Variants in SASH1 observed in about 807,000 individuals in gnomAD.
SASH1 encodes SAM and SH3 domain containing 1.
A neutral mutation model predicts 125.2 loss-of-function variants in SASH1; 44 were observed. The ratio of observed to expected loss-of-function variants is 0.35; its 90% CI spans 0.28 to 0.45. The LOEUF (loss-of-function observed/expected upper bound fraction) is 0.45, where lower values mean the gene tolerates loss of function less well. Among genes scored for constraint, SASH1 ranks in the 20% least tolerant of loss-of-function variants. SASH1 has a pLI of 1.00. For synonymous variants in SASH1, 639 were observed against 649.1 expected (o/e 0.98, Z 0.24); for missense variants, 1,426 against 1,614.5 (o/e 0.88, Z 2.00).
chr6:148,222,650 G>A, the SASH1 span, among the ~76,000 whole-genome samples: 1 of 152,136 alleles, frequency 6.6e-6, no homozygotes, highest in African/African-American at 2.4e-5. Context: ...TTGAATAATT[G>A]CATAATAATT....
chr6:148,447,202 CTT>C (rs997590455), intron 4 of SASH1, among the ~76,000 whole-genome samples: 1 of 152,130 alleles, frequency 6.6e-6, no homozygotes, highest in Non-Finnish European at 1.5e-5. Context: ...TTTAGTTTCA[CTT>C]TTTTTCATTA....
At chr6:148,217,393 C>T in the SASH1 span, among the ~76,000 whole-genome samples, 4 of 152,236 alleles carry the variant, frequency 2.6e-5, no homozygotes, top group African/African-American at 9.7e-5. Context: ...CTGAGTGACA[C>T]TCCATAACCC....
At chr6:148,451,020 T>G (rs1777076216) in intron 4 of SASH1, among the ~76,000 whole-genome samples, 1 of 152,246 alleles carries the variant, frequency 6.6e-6, no homozygotes, top group Non-Finnish European at 1.5e-5. Context: ...GTTATCTATC[T>G]TGTCTGGCCC....
At chr6:148,318,754 C>T (rs1443539856) in intron 1 of SASH1, among the ~76,000 whole-genome samples, 2 of 151,806 alleles carry the variant, frequency 1.3e-5, no homozygotes, top group Non-Finnish European at 2.9e-5. Flanking sequence ...GGTTTCACCA[C>T]GTTGACCAGG....
Position 148,514,421 on chromosome 6 carries a change from T to C in SASH1, c.827T>C (p.Ile276Thr). Residue 276 changes from isoleucine to threonine, a missense_variant, in exon 9 of 20, where the codon ATT (isoleucine) becomes ACT (threonine). Ile to Thr is a moderately conservative substitution (Grantham distance 89). Around this residue, in one of 3 missense-constraint regions of SASH1, gnomAD observed 567 missense variants for 575.6 expected, o/e 0.99. Coordinates refer to ENST00000367467, the MANE Select transcript of SASH1 (RefSeq NM_015278.5). ...NSTRRVRKKLIRVEEMKKPST... is the reference protein window; with the variant it reads ...NSTRRVRKKLTRVEEMKKPST... ...ACTCGCAGAGTCAGAAAGAAACTAA[T>C]TAGGGTGGAAGAAATGAAAAAACCC... 1 of 1,449,336 alleles carries C rather than the reference T, an allele frequency of 6.9e-7. No individual in the cohort carries two copies. Among genetic ancestry groups the C allele is most frequent in the South Asian group, 1.3e-5 (1 of 79,634 alleles). The allele number at this position is 1,449,336 out of a possible 1,614,324, so 89.8% of individuals were successfully genotyped here.
chr6:148,385,081 C>T (rs1290094998), intron 1 of SASH1, among the ~76,000 whole-genome samples: 1 of 152,146 alleles, frequency 6.6e-6, no homozygotes, highest in Non-Finnish European at 1.5e-5. Flanking sequence ...TTTAAATCAT[C>T]AGGACTGATG....
chr6:148,421,135 AAGG>A (rs1169363302), intron 2 of SASH1, among the ~76,000 whole-genome samples: 6 of 59,262 alleles, frequency 1.0e-4, no homozygotes, highest in African/African-American at 3.9e-4. Context: ...GAAAGGAAGG[AAGG>A]AAGGAAGGAA....
At chr6:148,360,502 C>T (rs13192721) in intron 1 of SASH1, among the ~76,000 whole-genome samples, 31,789 of 151,940 alleles carry the variant, frequency 0.21, 3,751 homozygotes, top group Non-Finnish European at 0.28. Flanking sequence ...CATGTGCTAC[C>T]ACGTCCAGTT....
chr6:148,417,585 A>ATAAG (rs2114930266), intron 2 of SASH1, among the ~76,000 whole-genome samples: 1 of 151,702 alleles, frequency 6.6e-6, no homozygotes, highest in East Asian at 1.9e-4. Flanking sequence ...CTCTGTCAAA[A>ATAAG]TAAATAAATA....
chr6:148,216,812 C>A, the SASH1 span, among the ~76,000 whole-genome samples: 1 of 152,024 alleles, frequency 6.6e-6, no homozygotes, highest in Non-Finnish European at 1.5e-5. Context: ...CTCACTGCAA[C>A]CTCCACCTCC....
intron 1 of SASH1, among the ~76,000 whole-genome samples, chr6:148,317,493 C>T (rs1359312477): frequency 6.6e-6 from 1 of 152,234 alleles, no homozygotes; most frequent in African/African-American, 2.4e-5. Flanking sequence ...GGCACGACCT[C>T]GGCTCACCGC....
At chr6:148,354,107 G>A (rs987578338) in intron 1 of SASH1, among the ~76,000 whole-genome samples, 9 of 152,160 alleles carry the variant, frequency 5.9e-5, no homozygotes, top group Non-Finnish European at 1.0e-4. Context: ...CAAGGCTTCA[G>A]TGAGTTGTGA....
At chr6:148,383,888 C>A (rs1783255762) in intron 1 of SASH1, among the ~76,000 whole-genome samples, 1 of 152,152 alleles carries the variant, frequency 6.6e-6, no homozygotes, top group African/African-American at 2.4e-5. Flanking sequence ...ATCTGAACTG[C>A]TCGGTACAAT....
At chr6:148,416,333 T>C (rs1784814370) in intron 2 of SASH1, among the ~76,000 whole-genome samples, 1 of 152,116 alleles carries the variant, frequency 6.6e-6, no homozygotes, top group African/African-American at 2.4e-5. Flanking sequence ...TCCTAAAGTG[T>C]CCTCTGTATC....
chr6:148,473,072 T>C (rs1004324893), intron 6 of SASH1, among the ~76,000 whole-genome samples: 6 of 152,178 alleles, frequency 3.9e-5, no homozygotes, highest in Non-Finnish European at 4.4e-5. Context: ...TGGAATCTAA[T>C]GGGACATTCT....
In SASH1 at chr6:148,424,179, C is replaced by G. The variant is rs1172736904; in HGVS notation, c.286-16005C>G. Among the ~76,000 whole-genome samples the G allele has an allele frequency of 3.3e-5, 5 of 150,848 alleles. No homozygotes were observed. In the East Asian group the frequency reaches 9.7e-4, roughly 29 times the overall value. ...TTTAATAAAATGATGGTGAGTCCAT[C>G]TTTGTCTTTTAAAAAATTTTTTTTC... On this transcript the variant is annotated intron_variant, in intron 2 of 19. Coordinates refer to ENST00000367467, the MANE Select transcript of SASH1 (RefSeq NM_015278.5).
intron 1 of SASH1, among the ~76,000 whole-genome samples, chr6:148,332,069 T>C (rs1417938950): frequency 1.3e-5 from 2 of 152,220 alleles, no homozygotes; most frequent in African/African-American, 4.8e-5. Context: ...GTCTGCACTT[T>C]GTTTTAATTT....
the SASH1 span, among the ~76,000 whole-genome samples, chr6:148,264,035 C>T: frequency 2.0e-5 from 3 of 152,064 alleles, no homozygotes; most frequent in African/African-American, 7.2e-5. Context: ...AGCAAAGAGC[C>T]CCTAGGGCTC....
At position 148,482,331 on chromosome 6, in the gene SASH1, A is replaced by T. The variant is rs185910868; in HGVS notation, c.628-5283A>T. ...TTAATAATCACATTTCCTTAAAAAT[A>T]ATTATTTATACTAAAGACTGCTCAA... On this transcript the variant is annotated intron_variant, in intron 7 of 19. Transcript: ENST00000367467. Among the ~76,000 whole-genome samples the T allele has an allele frequency of 4.3e-3, 652 of 152,350 alleles. 1 individual carries two copies. Among genetic ancestry groups the T allele is most frequent in the Non-Finnish European group, 5.8e-3 (392 of 68,040 alleles).
Sources: gnomAD v4.1 joint callset for allele counts (sites outside exome capture counted in the v4.1 genomes callset) on GRCh38, gnomAD v4.1.1 for gene constraint, gnomAD v4.1.1 regional missense constraint, MANE v1.5 for transcripts, NCBI Gene and HGNC (gene_info 2026-07-23, HGNC 2026-07-21) for gene names.